The following DNAH11 variants were observed in gnomAD, a reference collection of about 807,000 sequenced individuals.
DNAH11 encodes axonemal beta dynein heavy chain 11.
A neutral mutation model predicts 526.0 loss-of-function variants in DNAH11; 442 were observed. The ratio of observed to expected loss-of-function variants is 0.84; its 90% CI spans 0.78 to 0.91. The LOEUF (loss-of-function observed/expected upper bound fraction) is 0.91. Ranked by LOEUF, DNAH11 falls within the 40% of genes least tolerant of loss-of-function variation. The probability of loss-of-function intolerance (pLI) is 0.00; values close to 1 mark genes in which losing one functional copy is unlikely to be tolerated. For synonymous variants in DNAH11, 2,461 were observed against 1,935.9 expected (o/e 1.27, Z -7.12); for missense variants, 6,989 against 5,448.7 (o/e 1.28, Z -8.90).
intron 45 of DNAH11, 149 bp downstream of exon 45, chr7:21,726,133 G>A (rs550425646): frequency 4.8e-6 from 4 of 838,530 alleles, no homozygotes; most frequent in East Asian, 3.0e-5. Flanking sequence ...CATCTGCTGA[G>A]CTTCTGGGAA....
Position 21,880,817 on chromosome 7 carries a change from G to A in DNAH11, c.12311G>A (p.Arg4104Gln), listed in dbSNP as rs762791304. 12 of 1,613,976 alleles carry A rather than the reference G, an allele frequency of 7.4e-6. No individual in the cohort carries two copies. The highest frequency in any genetic ancestry group is 4.5e-5 in the East Asian group (2 of 44,886). ...RLRFGPQGWSRSYPFNPGDLT... is the reference protein window; with the variant it reads ...RLRFGPQGWSQSYPFNPGDLT... ...AGGTTTGGCCCCCAGGGCTGGAGCC[G>A]AAGCTATCCTTTTAATCCTGGAGAC... Residue 4104 changes from arginine (R) to glutamine (Q), a missense_variant, in exon 75 of 82, where the codon CGA becomes CAA. Coordinates refer to ENST00000409508, the MANE Select transcript of DNAH11 (RefSeq NM_001277115.2).
intron 66 of DNAH11, among the ~76,000 whole-genome samples, chr7:21,848,166 CAAA>C (rs58058317): frequency 5.6e-5 from 5 of 88,964 alleles, no homozygotes; most frequent in African/African-American, 8.4e-5. Flanking sequence ...GACTCTGTTT[CAAA>C]AAAAAAAAAA....
At position 21,698,164 on chromosome 7, in the gene DNAH11, G is replaced by A. The variant is rs372051486; in HGVS notation, c.6131G>A (p.Arg2044Gln). The part of the protein sequence containing the change: ...EGFVDARALA[R>Q]KFITLYTLCK... ...TTTGTGGATGCGCGTGCATTAGCCC[G>A]AAAGTTCATTACGTTGTACACGCTT... The change falls in exon 36 of 82, where the codon CGA becomes CAA. Residue 2044 changes from arginine to glutamine, a missense_variant. By Grantham distance (43) the Arg-to-Gln change is conservative. Coordinates refer to ENST00000409508, the MANE Select transcript of DNAH11 (RefSeq NM_001277115.2). 106 of 1,613,614 alleles carry A rather than the reference G, an allele frequency of 6.6e-5. No individual in the cohort carries two copies. Among genetic ancestry groups the A allele is most frequent in the African/African-American group, 4.8e-4 (36 of 74,990 alleles).
chr7:21,841,292 T>A (rs1290343420), intron 65 of DNAH11, among the ~76,000 whole-genome samples: 6 of 152,202 alleles, frequency 3.9e-5, no homozygotes, highest in African/African-American at 1.4e-4. Context: ...ATACTTAAGA[T>A]GCATTATACA....
chr7:21,690,300 G>C lies in DNAH11; in HGVS notation c.5925-465G>C, dbSNP rs1000038608. ...GTGATATTTAATAGATTTTTCTTGA[G>C]TCAATGAAAGGTATGGAGGGAAAGA... is the stretch of plus-strand genomic sequence containing the variant. On this transcript the variant is annotated intron_variant, in intron 34 of 81. Coordinates refer to ENST00000409508, the MANE Select transcript of DNAH11 (RefSeq NM_001277115.2). 2.6e-5 allele frequency among the ~76,000 whole-genome samples: 4 copies of C among 152,160 alleles called. No individual in the cohort carries two copies. In the South Asian group the frequency reaches 6.2e-4, roughly 24 times the overall value.
At chr7:21,819,259 T>C (rs1199445152) in intron 65 of DNAH11, among the ~76,000 whole-genome samples, 1 of 152,158 alleles carries the variant, frequency 6.6e-6, no homozygotes, top group Non-Finnish European at 1.5e-5. Context: ...TGTCCCCTTT[T>C]TCATCACTAG....
intron 8 of DNAH11, among the ~76,000 whole-genome samples, chr7:21,578,746 T>C (rs1784198666): frequency 6.6e-6 from 1 of 151,824 alleles, no homozygotes; most frequent in South Asian, 2.1e-4. Flanking sequence ...GTGGAGGTTC[T>C]CAAGGCTCAA....
Position 21,638,998 on chromosome 7 carries a change from C to T in DNAH11, c.4877C>T (p.Pro1626Leu), listed in dbSNP as rs769656212. Residue 1626 changes from proline to leucine, a missense_variant, in exon 28 of 82, where the codon CCT becomes CTT. Physicochemically the swap from Pro to Leu is moderately conservative, Grantham distance 98. Coordinates refer to ENST00000409508, the MANE Select transcript of DNAH11 (RefSeq NM_001277115.2). The part of the protein sequence containing the change: ...EYLETKRIAF[P>L]RFYFVSSADL... ...CTGGAAACCAAGCGCATAGCCTTTC[C>T]TCGCTTCTATTTCGTCTCTTCTGCT... 4.3e-6 allele frequency: 7 copies of T among 1,613,686 alleles called. No individual in the cohort carries two copies. The highest frequency in any genetic ancestry group is 5.9e-6 in the Non-Finnish European group (7 of 1,179,716).
At chr7:21,708,610 A>G (rs1405650337) in intron 40 of DNAH11, among the ~76,000 whole-genome samples, 1 of 152,170 alleles carries the variant, frequency 6.6e-6, no homozygotes, top group African/African-American at 2.4e-5. Context: ...ATAACGCTCT[A>G]TGGGATTGGA....
intron 54 of DNAH11, among the ~76,000 whole-genome samples, chr7:21,751,727 C>T (rs1396028233): frequency 6.6e-6 from 1 of 152,118 alleles, no homozygotes; most frequent in Non-Finnish European, 1.5e-5. Flanking sequence ...CAACATTCTG[C>T]TATTTCAAGT....
chr7:21,848,012 A>G (rs1425036889), intron 66 of DNAH11, among the ~76,000 whole-genome samples: 1 of 151,876 alleles, frequency 6.6e-6, no homozygotes, highest in Non-Finnish European at 1.5e-5. Flanking sequence ...AAAAATACAA[A>G]AAAAATTAGC....
chr7:21,638,902 G>T (rs780393107), intron 27 of DNAH11, 37 bp from the exon 28 acceptor site: 1 of 1,583,256 alleles, frequency 6.3e-7, no homozygotes, highest in Non-Finnish European at 8.6e-7. Flanking sequence ...TGACTGAAGG[G>T]ACAAGATATG....
At chr7:21,612,108 A>T (rs1785543783) in intron 20 of DNAH11, among the ~76,000 whole-genome samples, 1 of 152,238 alleles carries the variant, frequency 6.6e-6, no homozygotes. Context: ...TAAGAAACTT[A>T]AAAACTTAAA....
Position 21,600,031 on chromosome 7 carries a change from A to G in DNAH11, c.2912A>G (p.Asp971Gly), listed in dbSNP as rs147700251. The G allele has an allele frequency of 2.5e-4, 411 of 1,612,248 alleles. 3 individuals are homozygous for G. The East Asian group carries it at 7.7e-3, about 30-fold the overall frequency. Residue 971 changes from aspartate to glycine, a missense_variant, in exon 15 of 82, where the codon GAT (aspartate) becomes GGT (glycine). Coordinates refer to ENST00000409508, the MANE Select transcript of DNAH11 (RefSeq NM_001277115.2). ...LDREAGDGFY[D>G]LVEEMLCNSF... ...AGAGAGGCTGGGGATGGCTTCTATG[A>G]TCTTGTAGAAGAAATGTTATGCAAT...
At chr7:21,649,274 C>T (rs552628679) in intron 28 of DNAH11, among the ~76,000 whole-genome samples, 1 of 152,282 alleles carries the variant, frequency 6.6e-6, no homozygotes, top group African/African-American at 2.4e-5. Flanking sequence ...TTTTATCTAG[C>T]AGTTCACCTT....
In DNAH11 at chr7:21,591,516, T is replaced by C. The variant is rs1342961597; in HGVS notation, c.2606T>C (p.Leu869Ser). Residue 869 changes from leucine (L) to serine (S), a missense_variant, in exon 14 of 82, where the codon TTG becomes TCG. By Grantham distance (145) the Leu-to-Ser change is moderately radical. Coordinates refer to ENST00000409508, the MANE Select transcript of DNAH11 (RefSeq NM_001277115.2). Reference sequence around the variant, plus strand: ...TTCACCTTGGAGGACAAGGGTGATTTGTTTACAAAAAAATACAAGTTAATC... The same window carrying C: ...TTCACCTTGGAGGACAAGGGTGATTCGTTTACAAAAAAATACAAGTTAATC... The part of the protein sequence containing the change: ...AAFTLEDKGD[L>S]FTKKYKLIQG... The C allele has an allele frequency of 1.3e-6, 2 of 1,598,862 alleles. No individual in the cohort carries two copies. Among genetic ancestry groups the C allele is most frequent in the Middle Eastern group, 1.7e-4 (1 of 6,008 alleles).
At chr7:21,837,221 G>A (rs1782029303) in intron 65 of DNAH11, among the ~76,000 whole-genome samples, 1 of 152,134 alleles carries the variant, frequency 6.6e-6, no homozygotes, top group South Asian at 2.1e-4. Context: ...GTATGATCCA[G>A]CAGTTCTACT....
At chr7:21,817,695 AT>A (rs201247500) in intron 64 of DNAH11, among the ~76,000 whole-genome samples, 11 of 150,688 alleles carry the variant, frequency 7.3e-5, no homozygotes, top group African/African-American at 1.2e-4. Context: ...CACCATCTCT[AT>A]TTTTTTTTGA....
chr7:21,559,115 G>A (rs1376235701), intron 3 of DNAH11, 117 bp downstream of exon 3: 1 of 806,114 alleles, frequency 1.2e-6, no homozygotes, highest in African/African-American at 1.8e-5. Flanking sequence ...CTTGATCCCA[G>A]GAGTTCAAGA....
Sources: allele counts gnomAD v4.1 joint callset (sites outside exome capture counted in the v4.1 genomes callset), GRCh38; gene constraint gnomAD v4.1.1; transcripts MANE v1.5; gene names NCBI Gene and HGNC (gene_info 2026-07-23, HGNC 2026-07-21).